TENM2: variants seen among roughly 807,000 people sequenced by gnomAD.
TENM2 encodes teneurin-2.
TENM2 carries 52 observed loss-of-function variants against 245.2 expected under a neutral mutation model. The observed-to-expected ratio is 0.21, with a 90% CI of 0.17 to 0.27. TENM2 has a LOEUF of 0.27. Among genes scored for constraint, TENM2 ranks in the 10% least tolerant of loss-of-function variants. TENM2 has a pLI of 1.00. For missense variants in TENM2, 3,046 were observed against 3,666.8 expected, an observed-to-expected ratio of 0.83 and a Z score of 4.37; for synonymous variants, 1,363 against 1,438.9, an observed-to-expected ratio of 0.95 and a Z score of 1.19.
rs569306442 is a variant in TENM2 at position 168,136,674 on chromosome 5, A to G, written c.2422+9708A>G. ...GTTTTGTCCCAGCGCTGAGCTGTCG[A>G]ACAGACACCACAGAGTCCTTTTTGT... On this transcript the variant is annotated intron_variant, in intron 12 of 28. Transcript: ENST00000518659. Among the ~76,000 whole-genome samples the G allele has an allele frequency of 1.7e-3, 257 of 152,302 alleles. 2 individuals are homozygous for G. Among genetic ancestry groups the G allele is most frequent in the African/African-American group, 6.1e-3 (252 of 41,550 alleles).
intron 2 of TENM2, among the ~76,000 whole-genome samples, chr5:167,693,663 G>A (rs1010489426): frequency 1.3e-5 from 2 of 148,934 alleles, no homozygotes; most frequent in Non-Finnish European, 3.0e-5. Context: ...ACTTGATTAA[G>A]GCAGAGGTTA....
chr5:167,992,885 G>T (rs1783773283), intron 4 of TENM2, 59 bp from the exon 7 acceptor site: 17 of 1,350,988 alleles, frequency 1.3e-5, no homozygotes, highest in Non-Finnish European at 1.4e-5. Context: ...AAGAAAAATA[G>T]CTAAATGTTG....
At chr5:167,513,783 C>T (rs1401596740) in intron 2 of TENM2, among the ~76,000 whole-genome samples, 1 of 152,206 alleles carries the variant, frequency 6.6e-6, no homozygotes, top group Non-Finnish European at 1.5e-5. Context: ...CGAGGAGCCA[C>T]TTCTATGGAA....
At chr5:167,645,379 G>A (rs761874124) in intron 2 of TENM2, among the ~76,000 whole-genome samples, 19 of 152,082 alleles carry the variant, frequency 1.2e-4, no homozygotes, top group Admixed American at 5.9e-4. Flanking sequence ...ATGTTCAAAC[G>A]CAAAGGAAGG....
intron 2 of TENM2, among the ~76,000 whole-genome samples, chr5:167,569,822 A>G (rs1049886520): frequency 6.6e-6 from 1 of 152,170 alleles, no homozygotes; most frequent in Non-Finnish European, 1.5e-5. Context: ...AGCAGGGTTT[A>G]GAGAGTAAAA....
At chr5:167,543,445 G>A (rs1487302828) in intron 2 of TENM2, among the ~76,000 whole-genome samples, 1 of 152,104 alleles carries the variant, frequency 6.6e-6, no homozygotes, top group Non-Finnish European at 1.5e-5. Flanking sequence ...GGGAATAATT[G>A]TTCTGGCCAC....
the TENM2 span, among the ~76,000 whole-genome samples, chr5:167,090,090 G>A: frequency 1.5e-4 from 23 of 152,048 alleles, no homozygotes; most frequent in Non-Finnish European, 2.6e-4. Context: ...GAGTGCACAG[G>A]TGGGCTTATT....
chr5:167,270,279 A>G, the TENM2 span, among the ~76,000 whole-genome samples: 3 of 152,178 alleles, frequency 2.0e-5, no homozygotes, highest in Non-Finnish European at 2.9e-5. Flanking sequence ...CTTGCACTTT[A>G]AGGATCACGA....
intron 1 of TENM2, among the ~76,000 whole-genome samples, chr5:167,300,193 G>A (rs186907176): frequency 5.9e-5 from 9 of 152,296 alleles, no homozygotes; most frequent in East Asian, 5.8e-4. Context: ...TGATCAGCAG[G>A]GAGAGCACGT....
intron 3 of TENM2, among the ~76,000 whole-genome samples, chr5:167,942,126 T>A (rs566331602): frequency 6.6e-6 from 1 of 152,152 alleles, no homozygotes; most frequent in Admixed American, 6.5e-5. Context: ...GAGAATCGCA[T>A]GAACCTGGGA....
intron 13 of TENM2, among the ~76,000 whole-genome samples, chr5:168,166,421 CAGAT>C (rs1002092919): frequency 2.6e-5 from 4 of 152,158 alleles, no homozygotes; most frequent in African/African-American, 7.2e-5. Context: ...ATACAAATAA[CAGAT>C]AGAGATATTT....
At chr5:167,129,457 A>G in the TENM2 span, among the ~76,000 whole-genome samples, 10 of 152,142 alleles carry the variant, frequency 6.6e-5, no homozygotes, top group African/African-American at 2.2e-4. Context: ...TGAGAGCAAA[A>G]TGGAAAAGCC....
At chr5:167,111,143 T>G in the TENM2 span, among the ~76,000 whole-genome samples, 1 of 152,226 alleles carries the variant, frequency 6.6e-6, no homozygotes, top group East Asian at 1.9e-4. Context: ...TTTGAAGGAA[T>G]GATTCTGTAA....
At position 167,913,989 on chromosome 5, in the gene TENM2, A is replaced by C. The variant is rs191420609; in HGVS notation, c.712+37794A>C. ...GTCTGGTGAGCAATCAATAAATGTT[A>C]GCAGCTGTTGTTATTATGACTACTC... On this transcript the variant is annotated intron_variant, in intron 3 of 28. Coordinates refer to ENST00000518659, the Ensembl canonical transcript of TENM2. 2.0e-5 allele frequency among the ~76,000 whole-genome samples: 3 copies of C among 152,332 alleles called. No homozygotes were observed. In the East Asian group the frequency reaches 5.8e-4, roughly 29 times the overall value.
At chr5:167,740,156 C>A (rs1019372151) in intron 2 of TENM2, among the ~76,000 whole-genome samples, 7 of 152,140 alleles carry the variant, frequency 4.6e-5, no homozygotes, top group Non-Finnish European at 1.0e-4. Context: ...CACTTACCGC[C>A]CCTTTGCCCA....
the TENM2 span, among the ~76,000 whole-genome samples, chr5:167,047,773 G>C: frequency 1.1e-3 from 164 of 152,290 alleles, no homozygotes; most frequent in African/African-American, 3.9e-3. Flanking sequence ...CTTTAATTGT[G>C]AAAACCAGTT....
At chr5:167,633,210 T>A (rs62382815) in intron 2 of TENM2, among the ~76,000 whole-genome samples, 8,524 of 152,262 alleles carry the variant, frequency 0.056, 338 homozygotes, top group Non-Finnish European at 0.086. Context: ...AAGCTAACAA[T>A]GCAGAACCTG....
At chr5:167,792,419 C>G (rs541966265) in intron 2 of TENM2, among the ~76,000 whole-genome samples, 1 of 152,084 alleles carries the variant, frequency 6.6e-6, no homozygotes, top group Non-Finnish European at 1.5e-5. Context: ...GGGCCCATTT[C>G]CCCATTATTG....
chr5:168,115,426 A>AGGAT (rs70976463), intron 9 of TENM2, among the ~76,000 whole-genome samples: 1 of 146,640 alleles, frequency 6.8e-6, no homozygotes, highest in South Asian at 2.1e-4. Flanking sequence ...AAAGGAAGGA[A>AGGAT]AGAAAAAAAA....
Sources: allele counts gnomAD v4.1 joint callset (sites outside exome capture counted in the v4.1 genomes callset), GRCh38; gene constraint gnomAD v4.1.1; transcripts MANE v1.5; gene names NCBI Gene and HGNC (gene_info 2026-07-23, HGNC 2026-07-21).